The following GALNT9 variants were observed in gnomAD, a reference collection of about 807,000 sequenced individuals.
GALNT9 encodes polypeptide N-acetylgalactosaminyltransferase 9.
A neutral mutation model predicts 63.1 loss-of-function variants in GALNT9; 47 were observed. That is an observed-to-expected ratio of 0.75 (90% CI 0.59 to 0.95). The LOEUF (loss-of-function observed/expected upper bound fraction) is 0.95, where lower values mean the gene tolerates loss of function less well. Ranked by LOEUF, GALNT9 falls within the 40% of genes least tolerant of loss-of-function variation. The pLI is 0.00. For synonymous variants in GALNT9, 396 were observed against 365.7 expected (o/e 1.08, Z -0.94); for missense variants, 829 against 874.8 (o/e 0.95, Z 0.66).
At chr12:132,240,605 TG>T (rs1878227520) in intron 6 of GALNT9, 1 of 455,630 alleles carries the variant, frequency 2.2e-6, no homozygotes, top group Admixed American at 2.4e-5. Flanking sequence ...GCTCCGTGCG[TG>T]GCCCCGGGGC....
At chr12:132,307,081 T>C (rs1200242204) in intron 1 of GALNT9, among the ~76,000 whole-genome samples, 1 of 151,976 alleles carries the variant, frequency 6.6e-6, no homozygotes, top group African/African-American at 2.4e-5. Flanking sequence ...CGATGGACCC[T>C]GAGGAGAGCA....
At chr12:132,321,572 C>T (rs1868797483) in intron 1 of GALNT9, among the ~76,000 whole-genome samples, 1 of 152,186 alleles carries the variant, frequency 6.6e-6, no homozygotes, top group African/African-American at 2.4e-5. Context: ...CTCACCATCT[C>T]CCTCACTCAC....
chr12:132,203,597 A>AG lies in GALNT9; in HGVS notation c.1170dup (p.Tyr391LeufsTer17), dbSNP rs1343616171. The stretch of plus-strand genomic sequence containing the variant: ...CGCAGGGCGTTGCGCTTGGCATAGT[A>AG]GTCAATGTCGTTGTTGTAGGGCTTC... On this transcript the variant is annotated frameshift_variant, in exon 7 of 11. Coordinates refer to ENST00000328957, the MANE Select transcript of GALNT9 (RefSeq NM_001122636.2). LOFTEE classifies it high-confidence loss of function. 1.2e-6 allele frequency: 2 copies of AG among 1,613,810 alleles called. No homozygotes were observed. The highest frequency in any genetic ancestry group is 3.3e-5 in the Admixed American group (2 of 60,004).
At chr12:132,261,996 G>C (rs1555239806) in intron 3 of GALNT9, among the ~76,000 whole-genome samples, 1 of 152,264 alleles carries the variant, frequency 6.6e-6, no homozygotes, top group African/African-American at 2.4e-5. Context: ...GGGCAAGAGA[G>C]GTGGGAGGCG....
rs1555245940 is a variant in GALNT9 at position 132,319,287 on chromosome 12, C to G, written c.238+9679G>C. 6.6e-6 allele frequency among the ~76,000 whole-genome samples: 1 copy of G among 152,146 alleles called. No homozygotes were observed. The highest frequency in any genetic ancestry group is 1.5e-5 in the Non-Finnish European group (1 of 68,022). On this transcript the variant is annotated intron_variant, in intron 1 of 10. Coordinates refer to ENST00000328957, the MANE Select transcript of GALNT9 (RefSeq NM_001122636.2). This position sits in a 1 kb window ranked among gnomAD's most constrained non-coding sequence, Gnocchi z 5.2. ...CTCCCCAGTGCAGACAGGGATCAGC[C>G]CCTTCTCGGAGGCCCGGCTGGAACA... is the stretch of plus-strand genomic sequence containing the variant.
rs559948485 is a variant in GALNT9 at position 132,300,770 on chromosome 12, G to A, written c.239-14340C>T. On this transcript the variant is annotated intron_variant, in intron 1 of 10. Transcript: ENST00000328957. ...CACTCCTGAGATAACTCACTCCCAT[G>A]ATAACTAACCCACTCCCACCACACC... Among the ~76,000 whole-genome samples, 3 of 119,594 alleles carry A rather than the reference G, an allele frequency of 2.5e-5. No individual in the cohort carries two copies. In the South Asian group the frequency reaches 7.9e-4, roughly 31 times the overall value. 78.5% of individuals were successfully genotyped at this position (119,594 alleles called of 152,430 possible). A position where few individuals can be genotyped will look rare whatever the true frequency, so the allele number is the denominator to read the frequency against.
At chr12:132,203,406 G>C in intron 7 of GALNT9, 99 bp downstream of exon 7, 1 of 1,100,582 alleles carries the variant, frequency 9.1e-7, no homozygotes, top group Non-Finnish European at 1.3e-6. Flanking sequence ...ACTCACACCT[G>C]CAGGGGGCCC....
intron 6 of GALNT9, among the ~76,000 whole-genome samples, chr12:132,214,177 G>A (rs1251641997): frequency 6.6e-6 from 1 of 152,174 alleles, no homozygotes; most frequent in Non-Finnish European, 1.5e-5. Context: ...GGTCCCTGAT[G>A]GTGGCTCCTT....
At chr12:132,290,264 C>T (rs1880755746) in intron 1 of GALNT9, among the ~76,000 whole-genome samples, 1 of 152,272 alleles carries the variant, frequency 6.6e-6, no homozygotes, top group Middle Eastern at 3.4e-3. Context: ...CACACAGAGC[C>T]CCCATCATGA....
intron 6 of GALNT9, among the ~76,000 whole-genome samples, chr12:132,211,869 C>T (rs1876968124): frequency 6.6e-6 from 1 of 152,232 alleles, no homozygotes; most frequent in Non-Finnish European, 1.5e-5. Context: ...ACACTGCACC[C>T]CTGCCCTGCA....
chr12:132,226,860 T>G (rs1877713342), intron 6 of GALNT9, among the ~76,000 whole-genome samples: 1 of 135,006 alleles, frequency 7.4e-6, no homozygotes, highest in African/African-American at 2.9e-5. Context: ...CCCCATACAC[T>G]GTACATACAC....
At position 132,221,350 on chromosome 12, in the gene GALNT9, C is replaced by CAAAA. The variant is rs869246524; in HGVS notation, c.1078-17664_1078-17661dup. Among the ~76,000 whole-genome samples the CAAAA allele has an allele frequency of 2.4e-3, 112 of 46,812 alleles. 3 individuals carry two copies. The highest frequency in any genetic ancestry group is 2.7e-3 in the Non-Finnish European group (80 of 29,876). The allele number at this position is 46,812 out of a possible 152,430, so 30.7% of individuals were successfully genotyped here. On this transcript the variant is annotated intron_variant, in intron 6 of 10. Transcript: ENST00000328957. ...CCTGGCGACAGAGTGAGATTGTGTC[C>CAAAA]AAAAAAAAAAAAAAAAAAAAAAAAA...
At chr12:132,207,470 G>A (rs556402852) in intron 6 of GALNT9, among the ~76,000 whole-genome samples, 8 of 152,346 alleles carry the variant, frequency 5.3e-5, no homozygotes, top group South Asian at 4.1e-4. Context: ...GGCGGTCTGC[G>A]AGGCCTCCCC....
At chr12:132,271,315 C>A (rs529001797) in intron 2 of GALNT9, among the ~76,000 whole-genome samples, 1 of 152,306 alleles carries the variant, frequency 6.6e-6, no homozygotes, top group East Asian at 1.9e-4. Flanking sequence ...GAGGAGAACG[C>A]TGCCACGCCC....
intron 2 of GALNT9, among the ~76,000 whole-genome samples, chr12:132,268,307 TCACA>T (rs1302882698): frequency 2.0e-5 from 3 of 151,978 alleles, no homozygotes; most frequent in South Asian, 2.1e-4. Context: ...ACGTATGCTC[TCACA>T]CACACACCTT....
intron 2 of GALNT9, among the ~76,000 whole-genome samples, chr12:132,284,895 C>T (rs1477339828): frequency 6.6e-6 from 1 of 152,236 alleles, no homozygotes; most frequent in Non-Finnish European, 1.5e-5. Flanking sequence ...CTGGACCCTG[C>T]GGGCCTGTCC....
chr12:132,243,541 C>T (rs1394793062), intron 6 of GALNT9, among the ~76,000 whole-genome samples: 1 of 151,128 alleles, frequency 6.6e-6, no homozygotes, highest in Non-Finnish European at 1.5e-5. Flanking sequence ...GTTGTTGGTC[C>T]TTCCCTCCAG....
intron 1 of GALNT9, among the ~76,000 whole-genome samples, chr12:132,287,029 A>G (rs1555242255): frequency 6.8e-6 from 1 of 147,508 alleles, no homozygotes; most frequent in African/African-American, 2.5e-5. Context: ...CAATTGTCCA[A>G]ACGCACAGCA....
intron 1 of GALNT9, among the ~76,000 whole-genome samples, chr12:132,297,151 A>G (rs1746203929): frequency 6.6e-6 from 1 of 151,584 alleles, no homozygotes; most frequent in African/African-American, 2.4e-5. Context: ...CACTCCCAAG[A>G]TACCCAAACT....
Sources: allele counts gnomAD v4.1 joint callset (sites outside exome capture counted in the v4.1 genomes callset), GRCh38; gene constraint gnomAD v4.1.1; non-coding constraint Gnocchi (gnomAD v3.1); transcripts MANE v1.5; gene names NCBI Gene and HGNC (gene_info 2026-07-23, HGNC 2026-07-21).